PCNX2: variants seen among roughly 807,000 people sequenced by gnomAD.
PCNX2 encodes pecanex-like protein 2.
PCNX2 carries 168 observed loss-of-function variants against 223.8 expected under a neutral mutation model. The ratio of observed to expected loss-of-function variants is 0.75; its 90% CI spans 0.66 to 0.85. The LOEUF is 0.85. Among genes scored for constraint, PCNX2 ranks in the 40% least tolerant of loss-of-function variants. PCNX2 has a pLI of 0.00. For missense variants in PCNX2, 2,507 were observed against 2,675.5 expected, an observed-to-expected ratio of 0.94 and a Z score of 1.39; for synonymous variants, 1,006 against 1,052.6, an observed-to-expected ratio of 0.96 and a Z score of 0.86.
rs761815848 is a variant in PCNX2, at chr1:233,258,314, T to C, written c.1548A>G (p.Pro516=). 1.5e-5 allele frequency: 25 copies of C among 1,613,900 alleles called. No individual in the cohort carries two copies. In the African/African-American group the frequency reaches 2.9e-4, roughly 19 times the overall value. Residue 516 remains proline (P), a synonymous_variant, in exon 5 of 34, where the codon CCA becomes CCG. Transcript: ENST00000258229. ...VGKEGQTNLD[P]SSCKSSHEKR... ...TTTCATGGCTGGACTTACAAGACGA[T>C]GGGTCAAGGTTAGTCTGGCCTTCCT... is the stretch of plus-strand genomic sequence containing the variant.
chr1:233,223,671 T>A (rs760288331), intron 10 of PCNX2, among the ~76,000 whole-genome samples: 1 of 152,140 alleles, frequency 6.6e-6, no homozygotes, highest in Non-Finnish European at 1.5e-5. Flanking sequence ...GTCCATGTGT[T>A]CTCATTGTTC....
chr1:233,304,506 A>C, the PCNX2 span, among the ~76,000 whole-genome samples: 1 of 152,250 alleles, frequency 6.6e-6, no homozygotes, highest in Admixed American at 6.5e-5. Flanking sequence ...AAGAGTAAGC[A>C]TAAAAAATAA....
intron 32 of PCNX2, among the ~76,000 whole-genome samples, chr1:232,987,451 TATC>T (rs1035543957): frequency 6.6e-6 from 1 of 152,180 alleles, no homozygotes; most frequent in Non-Finnish European, 1.5e-5. Flanking sequence ...AATTGCAAAA[TATC>T]ATTTTGATGG....
chr1:233,314,125 A>G, the PCNX2 span, among the ~76,000 whole-genome samples: 2 of 152,378 alleles, frequency 1.3e-5, no homozygotes, highest in Non-Finnish European at 2.9e-5. Context: ...AAAGGCAGTC[A>G]TTAAAGAAAC....
chr1:233,194,151 G>A (rs944390965), intron 15 of PCNX2, among the ~76,000 whole-genome samples: 1 of 151,346 alleles, frequency 6.6e-6, no homozygotes, highest in East Asian at 1.9e-4. Context: ...AAGGCAGTCA[G>A]AGAAAAAAGA....
At chr1:233,244,396 G>T (rs183254011) in intron 8 of PCNX2, among the ~76,000 whole-genome samples, 4 of 152,110 alleles carry the variant, frequency 2.6e-5, no homozygotes, top group African/African-American at 9.7e-5. Flanking sequence ...AGGGAAAATT[G>T]TTTCCTTATG....
chr1:232,999,245 G>A lies in PCNX2; in HGVS notation c.5463C>T (p.Cys1821=), dbSNP rs760067225. The A allele has an allele frequency of 9.3e-6, 15 of 1,613,596 alleles. No individual in the cohort carries two copies. The highest frequency in any genetic ancestry group is 2.2e-5 in the East Asian group (1 of 44,874). ...QVLRNLINSS[C]DQPLGYPMYV... ...ACATGGGGTACCCCAGGGGCTGATCGCAGGAGGAGTTAATCAAGTTCCGCA... is the reference window on the plus strand; with the variant it reads ...ACATGGGGTACCCCAGGGGCTGATCACAGGAGGAGTTAATCAAGTTCCGCA... The change falls in exon 31 of 34, where the codon TGC becomes TGT. Residue 1821 remains cysteine, a synonymous_variant. Coordinates refer to ENST00000258229, the MANE Select transcript of PCNX2 (RefSeq NM_014801.4).
At chr1:233,017,317 T>C (rs971285324) in intron 26 of PCNX2, among the ~76,000 whole-genome samples, 163 bp from the exon 27 acceptor site, 16 of 138,958 alleles carry the variant, frequency 1.2e-4, no homozygotes, top group Admixed American at 2.9e-4. Context: ...AAATGTCCTT[T>C]TTTTTTTTTT....
intron 22 of PCNX2, 110 bp downstream of exon 22, chr1:233,095,645 T>C (rs1474101889): frequency 3.0e-6 from 3 of 1,002,116 alleles, no homozygotes; most frequent in Non-Finnish European, 4.6e-6. Context: ...CCCATTAAAA[T>C]GTAATCTTAT....
intron 10 of PCNX2, 41 bp from the exon 11 acceptor site, chr1:233,218,225 A>C: frequency 1.0e-6 from 1 of 988,838 alleles, no homozygotes; most frequent in South Asian, 1.7e-5. Flanking sequence ...AAAAAAAAAA[A>C]AAAAAAAGTG....
At chr1:233,164,818 T>C (rs2102829554) in intron 17 of PCNX2, among the ~76,000 whole-genome samples, 1 of 151,686 alleles carries the variant, frequency 6.6e-6, no homozygotes, top group East Asian at 1.9e-4. Flanking sequence ...ATTTGTAGAA[T>C]CTAAAAAAGC....
At chr1:233,122,527 CTT>C (rs58508596) in intron 21 of PCNX2, among the ~76,000 whole-genome samples, 6 of 145,606 alleles carry the variant, frequency 4.1e-5, no homozygotes, top group Non-Finnish European at 7.5e-5. Context: ...TATTATATAT[CTT>C]TTTTTTTTTT....
intron 15 of PCNX2, among the ~76,000 whole-genome samples, chr1:233,197,843 C>T (rs900796367): frequency 3.3e-5 from 5 of 152,038 alleles, no homozygotes; most frequent in Non-Finnish European, 5.9e-5. Context: ...AGAAATGTTA[C>T]GTGATTTATA....
chr1:233,039,796 A>G (rs1671580470), intron 25 of PCNX2, among the ~76,000 whole-genome samples: 2 of 152,268 alleles, frequency 1.3e-5, no homozygotes, highest in Non-Finnish European at 2.9e-5. Context: ...ATTGCCAACC[A>G]TGTGGTCACA....
rs1033948536 is a variant in PCNX2, at chr1:233,001,793, G to A, written c.4953-112C>T. ...TTATCTTAACATTTAGGCTGATATA[G>A]CAAGAAAATGAAGATAACAGGACTC... On this transcript the variant is annotated intron_variant, in intron 28 of 33. Coordinates refer to ENST00000258229, the MANE Select transcript of PCNX2 (RefSeq NM_014801.4). This position sits in a 1 kb window ranked among gnomAD's most constrained non-coding sequence, Gnocchi z 4.2. 1.6e-5 allele frequency: 17 copies of A among 1,087,120 alleles called. No individual in the cohort carries two copies. Among genetic ancestry groups the A allele is most frequent in the East Asian group, 9.2e-5 (3 of 32,624 alleles). The allele number at this position is 1,087,120 out of a possible 1,614,324, so 67.3% of individuals were successfully genotyped here. A position where few individuals can be genotyped will look rare whatever the true frequency, so the allele number is the denominator to read the frequency against.
chr1:233,218,824 T>G (rs1291242881), intron 10 of PCNX2, among the ~76,000 whole-genome samples: 1 of 152,100 alleles, frequency 6.6e-6, no homozygotes, highest in Non-Finnish European at 1.5e-5. Flanking sequence ...TGAAATGTGT[T>G]TCAGATAAAG....
intron 32 of PCNX2, among the ~76,000 whole-genome samples, chr1:232,989,072 T>C (rs1156329072): frequency 6.6e-6 from 1 of 152,174 alleles, no homozygotes; most frequent in Non-Finnish European, 1.5e-5. Flanking sequence ...GTGGGGGCAG[T>C]TGGGTCCCCA....
chr1:232,988,420 C>CTT (rs66592819), intron 32 of PCNX2, among the ~76,000 whole-genome samples: 4 of 147,502 alleles, frequency 2.7e-5, no homozygotes, highest in African/African-American at 9.9e-5. Context: ...TCTCATTGCT[C>CTT]TTTTTTTTTT....
At chr1:233,090,580 AAAAT>A (rs1673820358) in intron 22 of PCNX2, among the ~76,000 whole-genome samples, 1 of 152,226 alleles carries the variant, frequency 6.6e-6, no homozygotes, top group Non-Finnish European at 1.5e-5. Flanking sequence ...ATACTTTTTG[AAAAT>A]AAATAATATA....
Sources: allele counts gnomAD v4.1 joint callset (sites outside exome capture counted in the v4.1 genomes callset), GRCh38; gene constraint gnomAD v4.1.1; non-coding constraint Gnocchi (gnomAD v3.1); transcripts MANE v1.5; gene names NCBI Gene and HGNC (gene_info 2026-07-23, HGNC 2026-07-21).